EGFR: variants seen among roughly 807,000 people sequenced by gnomAD.
EGFR encodes avian erythroblastic leukemia viral (v-erb-b) oncogene homolog.
In EGFR, 58 loss-of-function variants were observed where a neutral mutation model predicts 143.0. The ratio of observed to expected loss-of-function variants is 0.41; its 90% CI spans 0.33 to 0.50. The LOEUF is 0.50. Ranked by LOEUF, EGFR falls within the 20% of genes least tolerant of loss-of-function variation. The pLI is 0.39. For synonymous variants in EGFR, 613 were observed against 594.4 expected, an observed-to-expected ratio of 1.03 and a Z score of -0.45; for missense variants, 1,307 against 1,579.0, an observed-to-expected ratio of 0.83 and a Z score of 2.92.
intron 1 of EGFR, among the ~76,000 whole-genome samples, chr7:55,070,489 T>C (rs969011327): frequency 1.3e-5 from 2 of 152,224 alleles, no homozygotes; most frequent in African/African-American, 4.8e-5. Context: ...TTTGTTTAGT[T>C]CGGGGATACA....
intron 1 of EGFR, among the ~76,000 whole-genome samples, chr7:55,060,329 A>G (rs931231033): frequency 6.6e-6 from 1 of 152,174 alleles, no homozygotes; most frequent in Non-Finnish European, 1.5e-5. Context: ...GTAGTTTTAT[A>G]CATAATTACG....
chr7:55,110,263 G>A (rs1050559871), intron 1 of EGFR, among the ~76,000 whole-genome samples: 6 of 152,138 alleles, frequency 3.9e-5, no homozygotes, highest in Non-Finnish European at 4.4e-5. Flanking sequence ...TCCTATTTAT[G>A]TATTCTGTGC....
At chr7:55,057,754 C>T (rs1281658926) in intron 1 of EGFR, among the ~76,000 whole-genome samples, 1 of 152,190 alleles carries the variant, frequency 6.6e-6, no homozygotes, top group East Asian at 1.9e-4. Flanking sequence ...CCTCTACATT[C>T]TGACAGCTCA....
intron 27 of EGFR, among the ~76,000 whole-genome samples, chr7:55,203,579 CCA>C (rs1196934879): frequency 4.9e-5 from 7 of 144,132 alleles, no homozygotes; most frequent in Admixed American, 7.0e-5. Flanking sequence ...CACACATACG[CCA>C]CACACACACC....
chr7:55,200,521 A>T, intron 24 of EGFR, 108 bp downstream of exon 24: 1 of 1,116,256 alleles, frequency 9.0e-7, no homozygotes. Context: ...CCCAGATCGC[A>T]TTATTAAACC....
chr7:55,200,950 A>G (rs1787819129), intron 24 of EGFR: 1 of 577,848 alleles, frequency 1.7e-6, no homozygotes, highest in Non-Finnish European at 3.1e-6. Context: ...CTCAGAAGCT[A>G]TTTGAATCTC....
chr7:55,104,869 A>G (rs1022798919), intron 1 of EGFR, among the ~76,000 whole-genome samples: 3 of 152,198 alleles, frequency 2.0e-5, no homozygotes, highest in African/African-American at 7.2e-5. Context: ...ATAGTCATGT[A>G]TTGCTTGTGC....
At chr7:55,133,616 G>T (rs1418874785) in intron 1 of EGFR, among the ~76,000 whole-genome samples, 1 of 152,200 alleles carries the variant, frequency 6.6e-6, no homozygotes, top group Non-Finnish European at 1.5e-5. Flanking sequence ...TGATAATCAT[G>T]CAATCTCCGT....
rs17337058 is a variant in EGFR at position 55,172,449 on chromosome 7, C to T, written c.1920-534C>T. Among the ~76,000 whole-genome samples the T allele has an allele frequency of 8.1e-3, 1,233 of 152,230 alleles. 8 individuals carry two copies. Among genetic ancestry groups the T allele is most frequent in the Admixed American group, 0.012 (181 of 15,294 alleles). ...ATGTCTGAATCCTATTCCTTTATAA[C>T]CCCTTTCAAGCTCGTTCAGAGAGTA... is the stretch of plus-strand genomic sequence containing the variant. On this transcript the variant is annotated intron_variant, in intron 16 of 27. Transcript: ENST00000275493.
intron 3 of EGFR, among the ~76,000 whole-genome samples, chr7:55,145,030 T>G (rs1477097670): frequency 2.6e-5 from 4 of 152,208 alleles, no homozygotes; most frequent in Non-Finnish European, 5.9e-5. Context: ...AGATGCAGAT[T>G]AGTTAATGTG....
chr7:55,200,929 C>T, intron 24 of EGFR: 3 of 562,896 alleles, frequency 5.3e-6, no homozygotes, highest in South Asian at 4.1e-5. Context: ...AGCTTCTTCC[C>T]TTTCTGTTTC....
chr7:55,166,313 C>T, intron 15 of EGFR: 1 of 575,400 alleles, frequency 1.7e-6, no homozygotes, highest in Non-Finnish European at 3.4e-6. Context: ...TTCACACTTA[C>T]TTCTGTTTCT....
intron 1 of EGFR, among the ~76,000 whole-genome samples, chr7:55,114,230 T>C (rs1792692364): frequency 6.6e-6 from 1 of 152,252 alleles, no homozygotes; most frequent in African/African-American, 2.4e-5. Context: ...AGATATTTCC[T>C]ATACCATTTA....
At chr7:55,063,015 T>C (rs1318144409) in intron 1 of EGFR, among the ~76,000 whole-genome samples, 1 of 151,754 alleles carries the variant, frequency 6.6e-6, no homozygotes, top group African/African-American at 2.4e-5. Flanking sequence ...AGATGGAGAG[T>C]CTTTCTCCAC....
chr7:55,108,865 T>C (rs1283499947), intron 1 of EGFR, among the ~76,000 whole-genome samples: 2 of 152,020 alleles, frequency 1.3e-5, no homozygotes, highest in African/African-American at 2.4e-5. Context: ...TCCTAAGGAG[T>C]GATTTGAACT....
At chr7:55,094,388 C>G (rs998329566) in intron 1 of EGFR, among the ~76,000 whole-genome samples, 1 of 152,196 alleles carries the variant, frequency 6.6e-6, no homozygotes, top group East Asian at 1.9e-4. Flanking sequence ...TGTGCAGCCT[C>G]CTGCCACCCA....
intron 1 of EGFR, among the ~76,000 whole-genome samples, chr7:55,137,408 G>A (rs1794204364): frequency 6.6e-6 from 1 of 152,184 alleles, no homozygotes; most frequent in South Asian, 2.1e-4. Flanking sequence ...GTCTTAATAA[G>A]TAATATAGAT....
chr7:55,118,376 T>C (rs1792994274), intron 1 of EGFR, among the ~76,000 whole-genome samples: 1 of 152,212 alleles, frequency 6.6e-6, no homozygotes, highest in Non-Finnish European at 1.5e-5. Context: ...TGAGAAGCAC[T>C]GGTAATCTCA....
intron 1 of EGFR, among the ~76,000 whole-genome samples, chr7:55,071,662 C>T (rs923813557): frequency 2.6e-5 from 4 of 152,198 alleles, no homozygotes; most frequent in Admixed American, 6.5e-5. Flanking sequence ...CGTAGGCACA[C>T]GCACAGCTCC....
Sources: gnomAD v4.1 joint callset for allele counts (sites outside exome capture counted in the v4.1 genomes callset) on GRCh38, gnomAD v4.1.1 for gene constraint, MANE v1.5 for transcripts, NCBI Gene and HGNC (gene_info 2026-07-23, HGNC 2026-07-21) for gene names.